Variants in NAALADL2 observed in about 807,000 individuals in gnomAD.
NAALADL2 encodes inactive N-acetylated-alpha-linked acidic dipeptidase-like protein 2.
A neutral mutation model predicts 87.2 loss-of-function variants in NAALADL2; 76 were observed. The observed-to-expected ratio is 0.87, with a 90% CI of 0.72 to 1.05. The LOEUF (loss-of-function observed/expected upper bound fraction) is 1.05, where lower values mean the gene tolerates loss of function less well. NAALADL2 is among the 50% of genes least tolerant of loss of function. The pLI is 0.00. For synonymous variants in NAALADL2, 354 were observed against 331.0 expected (o/e 1.07, Z -0.75); for missense variants, 1,089 against 945.8 (o/e 1.15, Z -1.99).
At position 174,520,469 on chromosome 3, in the gene NAALADL2, T is replaced by C. The variant is rs374985160; in HGVS notation, c.-183-30100T>C. On this transcript the variant is annotated intron_variant, in intron 1 of 3. Transcript: ENST00000434257. ...AAAATAAACAATGAAGAAAAGACAC[T>C]GTATTCAATAAATGTTGCTAGGAAA... Among the ~76,000 whole-genome samples, 73 of 152,268 alleles carry C rather than the reference T, an allele frequency of 4.8e-4. 1 individual carries two copies. The East Asian group carries it at 0.01, about 21-fold the overall frequency.
intron 5 of NAALADL2, among the ~76,000 whole-genome samples, chr3:175,333,752 T>C (rs1581462661): frequency 6.6e-6 from 1 of 152,268 alleles, no homozygotes; most frequent in South Asian, 2.1e-4. Flanking sequence ...GAATAATTTC[T>C]AACATTCAGT....
At position 175,221,208 on chromosome 3, in the gene NAALADL2, A is replaced by C. The variant is rs1743319573; in HGVS notation, c.546-12723A>C. ...AGCAAGACTCCGTTTTAAAAAAAAA[A>C]AAAAAAAAGATTTTTTAGTATTCTA... On this transcript the variant is annotated intron_variant, in intron 2 of 13. Coordinates refer to ENST00000454872, the MANE Select transcript of NAALADL2 (RefSeq NM_207015.3). Among the ~76,000 whole-genome samples, 3 of 148,706 alleles carry C rather than the reference A, an allele frequency of 2.0e-5. No individual in the cohort carries two copies. The South Asian group carries it at 6.5e-4, about 32-fold the overall frequency.
intron 2 of NAALADL2, among the ~76,000 whole-genome samples, chr3:175,160,071 T>G (rs1732922691): frequency 6.7e-6 from 1 of 148,960 alleles, no homozygotes; most frequent in Non-Finnish European, 1.5e-5. Context: ...ACTCCGAACC[T>G]CAAATAATCC....
chr3:174,662,370 A>G (rs1314058210), intron 2 of NAALADL2, among the ~76,000 whole-genome samples: 1 of 152,174 alleles, frequency 6.6e-6, no homozygotes, highest in Non-Finnish European at 1.5e-5. Context: ...TTTCTCCTGT[A>G]TGAGAACTCA....
In NAALADL2 at chr3:174,775,044, C is replaced by G. The variant is rs1715038210; in HGVS notation, c.-9+37298C>G. ...GTCTTCGCACAGTTCCTGAGTGCCA[C>G]TGTTATGAGTATAATCTGTTTAGAA... On this transcript the variant is annotated intron_variant, in intron 3 of 3. Transcript: ENST00000434257. Among the ~76,000 whole-genome samples, 3 of 151,982 alleles carry G rather than the reference C, an allele frequency of 2.0e-5. 1 individual carries two copies. The highest frequency in any genetic ancestry group is 1.3e-4 in the Admixed American group (2 of 15,240).
chr3:174,566,367 A>G (rs1714262617), intron 2 of NAALADL2, among the ~76,000 whole-genome samples: 1 of 151,812 alleles, frequency 6.6e-6, no homozygotes, highest in African/African-American at 2.4e-5. Flanking sequence ...ACTGATGTGA[A>G]GGGGTTTGTT....
intron 1 of NAALADL2, among the ~76,000 whole-genome samples, chr3:175,094,366 T>C (rs1016982826): frequency 2.0e-5 from 3 of 152,072 alleles, no homozygotes; most frequent in Non-Finnish European, 4.4e-5. Context: ...AATAAATTGG[T>C]TTCTAAAGTG....
intron 12 of NAALADL2, among the ~76,000 whole-genome samples, chr3:175,749,550 A>G (rs1746369487): frequency 6.7e-6 from 1 of 150,182 alleles, no homozygotes; most frequent in African/African-American, 2.4e-5. Context: ...GAAGAGGGGA[A>G]AACAAAGAGA....
intron 10 of NAALADL2, among the ~76,000 whole-genome samples, chr3:175,597,096 T>C (rs1722347726): frequency 6.6e-6 from 1 of 152,032 alleles, no homozygotes; most frequent in African/African-American, 2.4e-5. Context: ...GAAATATGCA[T>C]AACTTCTTGA....
intron 1 of NAALADL2, among the ~76,000 whole-genome samples, chr3:175,085,973 A>T (rs530214760): frequency 6.6e-6 from 1 of 152,198 alleles, no homozygotes; most frequent in African/African-American, 2.4e-5. Flanking sequence ...GTAAAGGATG[A>T]TTGGAATGGA....
At chr3:174,918,097 C>T (rs186854892) in intron 1 of NAALADL2, among the ~76,000 whole-genome samples, 1 of 152,016 alleles carries the variant, frequency 6.6e-6, no homozygotes, top group African/African-American at 2.4e-5. Context: ...TATTTGATTC[C>T]ATCTTAGAAA....
chr3:175,724,221 G>A (rs941644609), intron 11 of NAALADL2, among the ~76,000 whole-genome samples: 12 of 152,042 alleles, frequency 7.9e-5, no homozygotes, highest in African/African-American at 2.7e-4. Flanking sequence ...TAAAATTCTT[G>A]AATTGTTGGG....
intron 4 of NAALADL2, among the ~76,000 whole-genome samples, chr3:175,322,911 A>G (rs961318937): frequency 5.9e-5 from 9 of 151,712 alleles, no homozygotes; most frequent in East Asian, 2.0e-4. Flanking sequence ...TAGTTCAACC[A>G]TTGTGGAAGT....
chr3:175,020,376 T>C (rs552661504), intron 1 of NAALADL2, among the ~76,000 whole-genome samples: 20 of 152,226 alleles, frequency 1.3e-4, no homozygotes, highest in African/African-American at 4.6e-4. Context: ...CTGATGTTTC[T>C]TCAAAGCTTT....
chr3:174,934,928 C>T (rs1242577965), intron 1 of NAALADL2, among the ~76,000 whole-genome samples: 1 of 150,542 alleles, frequency 6.6e-6, no homozygotes, highest in East Asian at 2.0e-4. Context: ...AAAAAGCTTC[C>T]CCACATAAAG....
At chr3:175,201,282 T>C (rs1739982448) in intron 2 of NAALADL2, among the ~76,000 whole-genome samples, 1 of 152,152 alleles carries the variant, frequency 6.6e-6, no homozygotes, top group African/African-American at 2.4e-5. Context: ...GATGAAAACA[T>C]GTCAGAGTTG....
chr3:175,438,059 G>T (rs1335336202), intron 5 of NAALADL2, among the ~76,000 whole-genome samples: 7 of 152,020 alleles, frequency 4.6e-5, no homozygotes, highest in African/African-American at 1.7e-4. Flanking sequence ...CGTGAATCAT[G>T]AATTTTAGGC....
At chr3:175,699,241 A>C (rs1738637981) in intron 11 of NAALADL2, among the ~76,000 whole-genome samples, 1 of 151,988 alleles carries the variant, frequency 6.6e-6, no homozygotes, top group South Asian at 2.1e-4. Context: ...CCACAAAAAT[A>C]ATGTTGAGAA....
intron 1 of NAALADL2, among the ~76,000 whole-genome samples, chr3:174,892,576 C>T (rs1055224934): frequency 6.6e-6 from 1 of 151,948 alleles, no homozygotes; most frequent in Admixed American, 6.6e-5. Context: ...AAAATTTATT[C>T]AGAGGAATAA....
Sources: allele counts gnomAD v4.1 joint callset (sites outside exome capture counted in the v4.1 genomes callset), GRCh38; gene constraint gnomAD v4.1.1; transcripts MANE v1.5; gene names NCBI Gene and HGNC (gene_info 2026-07-23, HGNC 2026-07-21).